HPRT1: variants seen among roughly 807,000 people sequenced by gnomAD.
HPRT1 encodes hypoxanthine phosphoribosyltransferase 1.
Under a neutral mutation model 19.0 loss-of-function variants are expected in HPRT1, and 4 were observed. That is an observed-to-expected ratio of 0.21 (90% CI 0.10 to 0.48). The LOEUF (loss-of-function observed/expected upper bound fraction) is 0.48. Among genes scored for constraint, HPRT1 ranks in the 20% least tolerant of loss-of-function variants. The pLI is 0.98. For synonymous variants in HPRT1, 53 were observed against 54.9 expected, an observed-to-expected ratio of 0.97 and a Z score of 0.15; for missense variants, 65 against 164.0, an observed-to-expected ratio of 0.40 and a Z score of 3.30.
chrX:134,460,546 C>T (rs769561097), intron 1 of HPRT1: 1 of 252,091 alleles, frequency 4.0e-6, no homozygotes, highest in African/African-American at 2.9e-5. Flanking sequence ...GTGGGTCCCT[C>T]CTCGGGGGAG....
At chrX:134,462,607 C>T (rs920026547) in intron 1 of HPRT1, among the ~76,000 whole-genome samples, 2 of 112,212 alleles carry the variant, frequency 1.8e-5, no homozygotes, top group Non-Finnish European at 3.8e-5. Context: ...CATGAGCCAC[C>T]GTGCCTGGCC....
In HPRT1 at chrX:134,485,828, C is replaced by T. The variant is rs757484116; in HGVS notation, c.319-637C>T. Among the ~76,000 whole-genome samples the T allele has an allele frequency of 4.2e-4, 47 of 112,115 alleles. No homozygotes were observed. In the South Asian group the frequency reaches 0.017, roughly 41 times the overall value. On this transcript the variant is annotated intron_variant, in intron 3 of 8. Transcript: ENST00000298556. ...AGCCAAATTATGGTCATTGTCACCA[C>T]CAACTACAGTGGGTGTTGAGCATTT...
intron 1 of HPRT1, among the ~76,000 whole-genome samples, chrX:134,462,015 G>A (rs188413642): frequency 1.8e-5 from 2 of 110,888 alleles, no homozygotes; most frequent in Non-Finnish European, 3.8e-5. Context: ...CTGTCACCTA[G>A]GATGGAGTGC....
chrX:134,492,192 G>GCATTT (rs1264876606), intron 5 of HPRT1, among the ~76,000 whole-genome samples: 1 of 105,934 alleles, frequency 9.4e-6, no homozygotes, highest in African/African-American at 3.4e-5. Context: ...TGCCTGGCCT[G>GCATTT]CATTTCATTT....
At chrX:134,477,034 A>AT (rs1156469490) in intron 3 of HPRT1, among the ~76,000 whole-genome samples, 1 of 102,968 alleles carries the variant, frequency 9.7e-6, no homozygotes, top group African/African-American at 3.5e-5. Context: ...ATTTTATTTT[A>AT]TTTTATTTTA....
At chrX:134,480,200 A>T (rs1299913435) in intron 3 of HPRT1, among the ~76,000 whole-genome samples, 1 of 111,451 alleles carries the variant, frequency 9.0e-6, no homozygotes, top group African/African-American at 3.3e-5. Context: ...TCACAGAGGG[A>T]TTAAGTAACT....
intron 1 of HPRT1, among the ~76,000 whole-genome samples, chrX:134,470,729 T>G (rs1409648795): frequency 9.1e-6 from 1 of 110,451 alleles, no homozygotes; most frequent in Non-Finnish European, 1.9e-5. Flanking sequence ...TATTATAAAT[T>G]AACTAATAAA....
At chrX:134,470,089 C>T (rs2077606814) in intron 1 of HPRT1, among the ~76,000 whole-genome samples, 1 of 112,345 alleles carries the variant, frequency 8.9e-6, no homozygotes, top group Admixed American at 9.5e-5. Context: ...ATCTTTTCCC[C>T]CAAGAATAGA....
chrX:134,493,342 GC>G (rs1294660013), intron 5 of HPRT1, among the ~76,000 whole-genome samples, 165 bp from the exon 6 acceptor site: 1 of 111,573 alleles, frequency 9.0e-6, no homozygotes, highest in African/African-American at 3.3e-5. Flanking sequence ...CATTCTTACT[GC>G]TTGCTGAGGG....
intron 3 of HPRT1, among the ~76,000 whole-genome samples, chrX:134,486,174 A>C (rs2077652162): frequency 9.0e-6 from 1 of 111,486 alleles, no homozygotes; most frequent in South Asian, 3.7e-4. Flanking sequence ...TTAAAAATGG[A>C]TGTAACCCAT....
chrX:134,481,201 A>G (rs778521119), intron 3 of HPRT1, among the ~76,000 whole-genome samples: 1 of 110,199 alleles, frequency 9.1e-6, no homozygotes, highest in South Asian at 3.9e-4. Context: ...TGTACATTAT[A>G]TTTCTAGACT....
intron 3 of HPRT1, 72 bp downstream of exon 3, chrX:134,475,436 C>T (rs1297814482): frequency 1.5e-6 from 1 of 673,152 alleles, no homozygotes. Context: ...TGAATCTCTG[C>T]AAACCATACT....
intron 6 of HPRT1, among the ~76,000 whole-genome samples, chrX:134,495,955 T>C (rs999235847): frequency 1.8e-5 from 2 of 112,615 alleles, no homozygotes; most frequent in African/African-American, 6.5e-5. Context: ...TTGTTTTGGC[T>C]GAATAATATT....
At chrX:134,492,570 T>C (rs925060359) in intron 5 of HPRT1, 32 of 327,548 alleles carry the variant, frequency 9.8e-5, no homozygotes, top group African/African-American at 8.2e-4. Context: ...TCTCACTGGC[T>C]GCTGGCCAGG....
rs371101129 is a variant in HPRT1 at position 134,469,846 on chromosome X, A to C, written c.28-3513A>C. 2.5e-4 allele frequency among the ~76,000 whole-genome samples: 28 copies of C among 112,608 alleles called. No homozygotes were observed. In the East Asian group the frequency reaches 7.8e-3, roughly 31 times the overall value. On this transcript the variant is annotated intron_variant, in intron 1 of 8. Coordinates refer to ENST00000298556, the MANE Select transcript of HPRT1 (RefSeq NM_000194.3). ...GATATATTCTGATGAGCCTGAAATG[A>C]ATATATATTGTATCATTTTTATAAT...
intron 7 of HPRT1, 80 bp downstream of exon 7, chrX:134,498,516 T>C: frequency 9.9e-7 from 1 of 1,008,120 alleles, no homozygotes; most frequent in Non-Finnish European, 1.4e-6. Flanking sequence ...TTATAATTGC[T>C]TAGAGAATAT....
chrX:134,465,283 C>T (rs946077415), intron 1 of HPRT1, among the ~76,000 whole-genome samples: 2 of 109,127 alleles, frequency 1.8e-5, no homozygotes, highest in African/African-American at 6.7e-5. Context: ...ATTGATGTTG[C>T]AAGTATTGTC....
At chrX:134,486,305 A>G (rs2077652450) in intron 3 of HPRT1, among the ~76,000 whole-genome samples, 160 bp from the exon 4 acceptor site, 1 of 111,151 alleles carries the variant, frequency 9.0e-6, no homozygotes, top group Non-Finnish European at 1.9e-5. Flanking sequence ...CTTATAATTC[A>G]TATCATTTAG....
chrX:134,464,117 T>G (rs748815802), intron 1 of HPRT1, among the ~76,000 whole-genome samples: 24 of 112,006 alleles, frequency 2.1e-4, no homozygotes, highest in Non-Finnish European at 3.9e-4. Context: ...GTAGTAGTTA[T>G]GAGCCCATGT....
Sources: gnomAD v4.1 joint callset for allele counts (sites outside exome capture counted in the v4.1 genomes callset) on GRCh38, gnomAD v4.1.1 for gene constraint, MANE v1.5 for transcripts, NCBI Gene and HGNC (gene_info 2026-07-23, HGNC 2026-07-21) for gene names.